The following MUC4 variants were observed in gnomAD, a reference collection of about 807,000 sequenced individuals.
MUC4 encodes the protein mucin-4.
Under a neutral mutation model 257.9 loss-of-function variants are expected in MUC4, and 202 were observed. That is an observed-to-expected ratio of 0.78 (90% CI 0.70 to 0.88). The LOEUF (loss-of-function observed/expected upper bound fraction) is 0.88. Among genes scored for constraint, MUC4 ranks in the 40% least tolerant of loss-of-function variants. MUC4 has a pLI of 0.00. For synonymous variants in MUC4, 2,351 were observed against 2,757.1 expected (o/e 0.85, Z 4.62); for missense variants, 5,976 against 6,513.7 (o/e 0.92, Z 2.84).
chr3:195,749,096 GC>G, intron 23 of MUC4, 32 bp from the exon 24 acceptor site: 1 of 1,604,556 alleles, frequency 6.2e-7, no homozygotes, highest in Non-Finnish European at 8.5e-7. Flanking sequence ...AACACAGAAA[GC>G]AACCGATGAA....
chr3:195,757,735 CT>C lies in MUC4; in HGVS notation c.14987-408del, dbSNP rs1717946486. Among the ~76,000 whole-genome samples, 1 of 152,168 alleles carries C rather than the reference CT, an allele frequency of 6.6e-6. No individual in the cohort carries two copies. Among genetic ancestry groups the C allele is most frequent in the African/African-American group, 2.4e-5 (1 of 41,432 alleles). On this transcript the variant is annotated intron_variant, in intron 17 of 24. Coordinates refer to ENST00000463781, the MANE Select transcript of MUC4 (RefSeq NM_018406.7). This position sits in a 1 kb window ranked among gnomAD's most constrained non-coding sequence, Gnocchi z 4.8. ...TCTCACGGCAGCCCCATCCTTTGCCCTGATTTCTCACCCACCCCCCACTTCC... is the reference window on the plus strand; with the variant it reads ...TCTCACGGCAGCCCCATCCTTTGCCCGATTTCTCACCCACCCCCCACTTCC...
intron 21 of MUC4, 178 bp downstream of exon 21, chr3:195,752,195 T>C (rs2148757662): frequency 3.2e-6 from 2 of 628,612 alleles, no homozygotes; most frequent in East Asian, 5.5e-5. Context: ...GAGGTTTCTG[T>C]CTTGGGCCTT....
intron 7 of MUC4, among the ~76,000 whole-genome samples, chr3:195,767,164 A>C (rs1456269279): frequency 3.3e-5 from 5 of 152,076 alleles, no homozygotes; most frequent in Non-Finnish European, 5.9e-5. Context: ...GATGGATTCA[A>C]CTGCTGATCC....
chr3:195,774,985 T>G (rs1417644945), intron 3 of MUC4, among the ~76,000 whole-genome samples: 1 of 152,048 alleles, frequency 6.6e-6, no homozygotes, highest in Non-Finnish European at 1.5e-5. Flanking sequence ...GAGACTTGTT[T>G]CCTAAGACGG....
chr3:195,763,439 G>C lies in MUC4; in HGVS notation c.14247C>G (p.Pro4749=), dbSNP rs749560797. 4 of 1,413,116 alleles carry C rather than the reference G, an allele frequency of 2.8e-6. No individual in the cohort carries two copies. Among genetic ancestry groups the C allele is most frequent in the Non-Finnish European group, 3.7e-6 (4 of 1,079,280 alleles). 87.5% of individuals were successfully genotyped at this position (1,413,116 alleles called of 1,614,324 possible). The change falls in exon 12 of 25, where the codon CCC becomes CCG. Residue 4749 remains proline, a synonymous_variant. Transcript: ENST00000463781. ...CCCGGCACCCCTCACTCACCGTGAC[G>C]GGGCCCAGGCTGCTGGAGCGGTACT... is the stretch of plus-strand genomic sequence containing the variant. ...AAQYRSSSLG[P]VTVQWLLEPH...
intron 1 of MUC4, among the ~76,000 whole-genome samples, chr3:195,794,519 T>C (rs1734323224): frequency 6.6e-6 from 1 of 152,116 alleles, no homozygotes; most frequent in Admixed American, 6.5e-5. Context: ...CACACAACCA[T>C]GCCTGGGTAA....
chr3:195,800,048 C>T (rs1262175024), intron 1 of MUC4, among the ~76,000 whole-genome samples: 3 of 152,078 alleles, frequency 2.0e-5, no homozygotes, highest in African/African-American at 4.8e-5. Context: ...GAGGTCGAAG[C>T]GGGTGGATCA....
chr3:195,775,531 C>T (rs1578147851), intron 3 of MUC4, among the ~76,000 whole-genome samples: 1 of 134,174 alleles, frequency 7.5e-6, no homozygotes, highest in East Asian at 2.4e-4. Context: ...CTTCCACACC[C>T]ATACCTTCCA....
At chr3:195,767,933 GCCACTACCACCA>G (rs1324493263) in intron 7 of MUC4, among the ~76,000 whole-genome samples, 2 of 62,656 alleles carry the variant, frequency 3.2e-5, no homozygotes, top group African/African-American at 1.5e-4. Flanking sequence ...CACCTCCACC[GCCACTACCACCA>G]CCACCACCAC....
Position 195,780,128 on chromosome 3 carries a change from A to T in MUC4, c.11452T>A (p.Ser3818Thr). Reference sequence around the variant, plus strand: ...GGAAGAGGGGTGGTGTCACCTGTGGATACTGAGGAAAGGCTGGTGACAGGA... The same window carrying T: ...GGAAGAGGGGTGGTGTCACCTGTGGTTACTGAGGAAAGGCTGGTGACAGGA... ...PLPVTSLSSV[S>T]TGDTTPLPVT... Residue 3818 changes from serine to threonine, a missense_variant, in exon 2 of 25, where the codon TCC (serine) becomes ACC (threonine). This residue lies in a region of MUC4 where 330 missense variants were observed against 262.0 expected (regional missense o/e 1.26). Coordinates refer to ENST00000463781, the MANE Select transcript of MUC4 (RefSeq NM_018406.7). 2 of 1,467,716 alleles carry T rather than the reference A, an allele frequency of 1.4e-6. No individual in the cohort carries two copies. The highest frequency in any genetic ancestry group is 2.1e-5 in the Admixed American group (1 of 48,398). 90.9% of individuals were successfully genotyped at this position (1,467,716 alleles called of 1,614,324 possible). A position where few individuals can be genotyped will look rare whatever the true frequency, so the allele number is the denominator to read the frequency against.
chr3:195,746,776 C>G lies in MUC4; in HGVS notation c.*400G>C, dbSNP rs1349323611. On this transcript the variant is annotated 3_prime_UTR_variant, in exon 25 of 25. Transcript: ENST00000463781. The stretch of plus-strand genomic sequence containing the variant: ...AATGGAATTCCTGGTTTTGGAGACA[C>G]AAAAAGTCAGAGAGACTTTATTTAA... The G allele has an allele frequency of 1.2e-5, 3 of 242,518 alleles. No homozygotes were observed. The highest frequency in any genetic ancestry group is 2.4e-5 in the Non-Finnish European group (3 of 124,624). 15.0% of individuals were successfully genotyped at this position (242,518 alleles called of 1,614,324 possible).
At chr3:195,768,649 G>T (rs1722138045) in intron 7 of MUC4, among the ~76,000 whole-genome samples, 1 of 152,216 alleles carries the variant, frequency 6.6e-6, no homozygotes, top group African/African-American at 2.4e-5. Flanking sequence ...TGCCTCGTGG[G>T]GTGGCTGTGA....
At position 195,761,040 on chromosome 3, in the gene MUC4, G is replaced by T. The variant is rs754525521; in HGVS notation, c.14692C>A (p.Gln4898Lys). The change falls in exon 16 of 25, where the codon CAA becomes AAA. Residue 4898 changes from glutamine (Q) to lysine (K), a missense_variant. Physicochemically the swap from Gln to Lys is moderately conservative, Grantham distance 53 (BLOSUM62 1). This residue lies in a region of MUC4 where 996 missense variants were observed against 1,137.3 expected (regional missense o/e 0.88). Transcript: ENST00000463781. Reference sequence around the variant, plus strand: ...GCCCAGGAGCTGTTTTTTTGCAGTTGTGAGTAGAAAACAGGGGTGAAGTTG... The same window carrying T: ...GCCCAGGAGCTGTTTTTTTGCAGTTTTGAGTAGAAAACAGGGGTGAAGTTG... ...PSNFTPVFYS[Q>K]LQKNSSWAEH... The T allele has an allele frequency of 3.7e-6, 6 of 1,614,036 alleles. No individual in the cohort carries two copies. The highest frequency in any genetic ancestry group is 5.1e-6 in the Non-Finnish European group (6 of 1,180,014).
At chr3:195,809,681 C>T (rs1433746587) in intron 1 of MUC4, 1 of 152,712 alleles carries the variant, frequency 6.5e-6, no homozygotes, top group Admixed American at 6.5e-5. Context: ...CCACGCCCAC[C>T]CCAGGTCTTG....
At chr3:195,748,763 C>G (rs1715700592) in intron 24 of MUC4, 139 bp downstream of exon 24, 1 of 1,200,656 alleles carries the variant, frequency 8.3e-7, no homozygotes, top group African/African-American at 1.6e-5. Context: ...CAGGCACTCA[C>G]AACTCTCCTT....
rs1717411976 is a variant in MUC4 at position 195,755,150 on chromosome 3, G to A, written c.15169-778C>T. ...TCCCACCTCAGCCTCCCGAGGAGCT[G>A]GGGCTACAGGCATGCACCACCACGC... On this transcript the variant is annotated intron_variant, in intron 18 of 24. Transcript: ENST00000463781. The surrounding 1 kb of genome is among the most constrained non-coding windows in gnomAD (Gnocchi z 5.0). Among the ~76,000 whole-genome samples the A allele has an allele frequency of 6.6e-6, 1 of 151,820 alleles. No individual in the cohort carries two copies. The highest frequency in any genetic ancestry group is 6.6e-5 in the Admixed American group (1 of 15,232).
chr3:195,762,149 T>C lies in MUC4; in HGVS notation c.14450A>G (p.Asn4817Ser), dbSNP rs895975260. ...GAGGCTGGCGGAGGCGTGGAGGATG[T>C]TGGAGAGCGCGATCACCGAGACGGT... is the stretch of plus-strand genomic sequence containing the variant. ...WATVSVIALS[N>S]ILHASASLPP... The change falls in exon 14 of 25, where the codon AAC becomes AGC. Residue 4817 changes from asparagine to serine, a missense_variant. Asn to Ser is a conservative substitution (Grantham distance 46). Transcript: ENST00000463781. 1.2e-6 allele frequency: 2 copies of C among 1,606,152 alleles called. No individual in the cohort carries two copies. Among genetic ancestry groups the C allele is most frequent in the East Asian group, 2.2e-5 (1 of 44,564 alleles).
In MUC4 at chr3:195,788,328, A is replaced by T; in HGVS notation, c.3252T>A (p.Gly1084=). ...CAGTGACAGGAAGAGGGGTGGTGTC[A>T]CCTGTGGATGCTGAGGAAAGGCTGG... is the stretch of plus-strand genomic sequence containing the variant. ...PVTSLSSAST[G]DTTPLPVTDT... is the part of the protein sequence containing the mutation. Residue 1084 remains glycine (G), a synonymous_variant, in exon 2 of 25, where the codon GGT becomes GGA. Coordinates refer to ENST00000463781, the MANE Select transcript of MUC4 (RefSeq NM_018406.7). 6.6e-7 allele frequency: 1 copy of T among 1,522,688 alleles called. No homozygotes were observed. Among genetic ancestry groups the T allele is most frequent in the Non-Finnish European group, 8.8e-7 (1 of 1,136,562 alleles). The allele number at this position is 1,522,688 out of a possible 1,614,324, so 94.3% of individuals were successfully genotyped here. A position where few individuals can be genotyped will look rare whatever the true frequency, so the allele number is the denominator to read the frequency against.
chr3:195,794,015 G>C (rs946973553), intron 1 of MUC4, among the ~76,000 whole-genome samples: 1 of 151,764 alleles, frequency 6.6e-6, no homozygotes, highest in Non-Finnish European at 1.5e-5. Context: ...GGCCAAGGTG[G>C]GAGGATCACT....
Sources: allele counts gnomAD v4.1 joint callset (sites outside exome capture counted in the v4.1 genomes callset), GRCh38; gene constraint gnomAD v4.1.1; regional missense constraint gnomAD v4.1.1; non-coding constraint Gnocchi (gnomAD v3.1); transcripts MANE v1.5; gene names NCBI Gene and HGNC (gene_info 2026-07-23, HGNC 2026-07-21).